Variants in MNAT1 observed in about 807,000 individuals in gnomAD.
MNAT1 encodes the protein CDK-activating kinase assembly factor MAT1.
In MNAT1, 43 loss-of-function variants were observed where a neutral mutation model predicts 42.0. The ratio of observed to expected loss-of-function variants is 1.02; its 90% CI spans 0.80 to 1.32. The LOEUF is 1.32. Among genes scored for constraint, MNAT1 ranks in the 40% most tolerant of loss-of-function variants. MNAT1 has a pLI of 0.00. For missense variants in MNAT1, 306 were observed against 350.4 expected (o/e 0.87, Z 1.01); for synonymous variants, 118 against 120.0 (o/e 0.98, Z 0.11).
chr14:60,838,397 G>A (rs1043250601), intron 6 of MNAT1, among the ~76,000 whole-genome samples: 2 of 152,114 alleles, frequency 1.3e-5, no homozygotes, highest in African/African-American at 2.4e-5. Flanking sequence ...CTGGCAAAGT[G>A]CTGGGATTAC....
At chr14:60,857,527 A>G (rs567706409) in intron 6 of MNAT1, among the ~76,000 whole-genome samples, 44 of 152,316 alleles carry the variant, frequency 2.9e-4, no homozygotes, top group African/African-American at 1.1e-3. Flanking sequence ...TAAAATTACA[A>G]CAAAGGGTTT....
chr14:60,944,752 T>A (rs1447719035), intron 7 of MNAT1, among the ~76,000 whole-genome samples: 1 of 152,166 alleles, frequency 6.6e-6, no homozygotes, highest in Non-Finnish European at 1.5e-5. Flanking sequence ...TTGTCAAGAT[T>A]TTGGTAAGCG....
At chr14:60,808,514 C>G (rs2032449305) in intron 4 of MNAT1, 86 bp downstream of exon 4, 1 of 793,692 alleles carries the variant, frequency 1.3e-6, no homozygotes, top group African/African-American at 1.8e-5. Flanking sequence ...TCCTTTAAAC[C>G]AGTTACATTT....
At chr14:60,738,902 A>G (rs1896386160) in intron 1 of MNAT1, among the ~76,000 whole-genome samples, 1 of 152,094 alleles carries the variant, frequency 6.6e-6, no homozygotes, top group Admixed American at 6.6e-5. Flanking sequence ...ATTTCATGGG[A>G]TTGAATATAG....
At chr14:60,960,420 T>G (rs2036567044) in intron 7 of MNAT1, among the ~76,000 whole-genome samples, 1 of 152,240 alleles carries the variant, frequency 6.6e-6, no homozygotes, top group African/African-American at 2.4e-5. Context: ...TATTAACATT[T>G]ATTTTTATGG....
At chr14:60,757,682 G>A (rs1462783506) in intron 1 of MNAT1, among the ~76,000 whole-genome samples, 2 of 152,174 alleles carry the variant, frequency 1.3e-5, no homozygotes, top group Non-Finnish European at 2.9e-5. Flanking sequence ...ATTTGTCTGA[G>A]AAATACTGAT....
chr14:60,783,008 A>G (rs992610731), intron 1 of MNAT1, among the ~76,000 whole-genome samples: 2 of 152,228 alleles, frequency 1.3e-5, no homozygotes, highest in Non-Finnish European at 2.9e-5. Flanking sequence ...TATATTTCAT[A>G]CTTCATTAGA....
intron 7 of MNAT1, among the ~76,000 whole-genome samples, chr14:60,889,176 A>C (rs1381177705): frequency 6.6e-6 from 1 of 152,246 alleles, no homozygotes; most frequent in African/African-American, 2.4e-5. Flanking sequence ...AGCTGGAGGC[A>C]TCACACTACC....
intron 7 of MNAT1, among the ~76,000 whole-genome samples, chr14:60,965,243 A>T (rs141080242): frequency 1.9e-3 from 290 of 152,356 alleles, no homozygotes; most frequent in African/African-American, 6.8e-3. Context: ...AGTCAAATTT[A>T]AAAATTTGCT....
At chr14:60,762,361 A>G (rs559839205) in intron 1 of MNAT1, among the ~76,000 whole-genome samples, 1 of 152,244 alleles carries the variant, frequency 6.6e-6, no homozygotes, top group African/African-American at 2.4e-5. Flanking sequence ...ATAGATTATC[A>G]GGAGAGTGAA....
In MNAT1 at chr14:60,827,014, T is replaced by A. The variant is rs139540020; in HGVS notation, c.687+8167T>A. Among the ~76,000 whole-genome samples, 693 of 152,278 alleles carry A rather than the reference T, an allele frequency of 4.6e-3. 9 individuals carry two copies. The highest frequency in any genetic ancestry group is 0.015 in the African/African-American group (620 of 41,552). On this transcript the variant is annotated intron_variant, in intron 6 of 7. Coordinates refer to ENST00000261245, the MANE Select transcript of MNAT1 (RefSeq NM_002431.4). ...AGGATTGAGATTCTACGGCTGAGGA[T>A]CTGGTGCTTCTTCATTCTATTTTGC...
chr14:60,892,016 G>C (rs1216201423), intron 7 of MNAT1, among the ~76,000 whole-genome samples: 3 of 152,004 alleles, frequency 2.0e-5, no homozygotes, highest in Non-Finnish European at 4.4e-5. Flanking sequence ...AAGATACTTT[G>C]TATGATACCA....
intron 1 of MNAT1, among the ~76,000 whole-genome samples, chr14:60,794,362 C>A (rs994251025): frequency 6.6e-6 from 1 of 151,742 alleles, no homozygotes; most frequent in African/African-American, 2.4e-5. Context: ...TTTTTAGTGA[C>A]ACTATTAAGA....
intron 7 of MNAT1, among the ~76,000 whole-genome samples, chr14:60,894,250 C>T (rs1009273070): frequency 4.0e-5 from 6 of 151,492 alleles, no homozygotes; most frequent in Admixed American, 3.9e-4. Context: ...CCAATCTTTG[C>T]TCCTCCGTAG....
At chr14:60,901,847 A>C (rs2035078774) in intron 7 of MNAT1, among the ~76,000 whole-genome samples, 1 of 152,220 alleles carries the variant, frequency 6.6e-6, no homozygotes, top group African/African-American at 2.4e-5. Flanking sequence ...CTTGAGATGG[A>C]ATCTGCTCCT....
chr14:60,812,469 G>T (rs541784369), intron 5 of MNAT1, among the ~76,000 whole-genome samples: 22 of 152,276 alleles, frequency 1.4e-4, no homozygotes, highest in Non-Finnish European at 1.9e-4. Context: ...ATAGGGACGG[G>T]TACCCAGAGA....
At chr14:60,892,231 A>G (rs576997181) in intron 7 of MNAT1, among the ~76,000 whole-genome samples, 3 of 152,138 alleles carry the variant, frequency 2.0e-5, no homozygotes, top group South Asian at 2.1e-4. Flanking sequence ...TTTTCTATCT[A>G]TTATTGAGAG....
intron 7 of MNAT1, among the ~76,000 whole-genome samples, chr14:60,950,123 C>G (rs556865852): frequency 6.6e-6 from 1 of 152,062 alleles, no homozygotes; most frequent in Non-Finnish European, 1.5e-5. Flanking sequence ...GATTCAGATT[C>G]TAGTGTATGA....
intron 6 of MNAT1, among the ~76,000 whole-genome samples, chr14:60,864,224 TG>T (rs757877617): frequency 1.9e-4 from 29 of 151,722 alleles, no homozygotes; most frequent in South Asian, 4.2e-4. Context: ...TATATACTAA[TG>T]TTTTTTTAAA....
Sources: gnomAD v4.1 joint callset for allele counts (sites outside exome capture counted in the v4.1 genomes callset) on GRCh38, gnomAD v4.1.1 for gene constraint, MANE v1.5 for transcripts, NCBI Gene and HGNC (gene_info 2026-07-23, HGNC 2026-07-21) for gene names.